Variants in ALX1 observed in about 807,000 individuals in gnomAD.
ALX1 encodes the protein ALX homeobox protein 1.
A neutral mutation model predicts 31.7 loss-of-function variants in ALX1; 19 were observed. The observed-to-expected ratio is 0.60, with a 90% confidence interval of 0.42 to 0.88. ALX1 has a LOEUF of 0.88. ALX1 is among the 40% of genes least tolerant of loss of function. The probability of loss-of-function intolerance (pLI) is 0.00; values close to 1 mark genes in which losing one functional copy is unlikely to be tolerated. For synonymous variants in ALX1, 153 were observed against 148.8 expected, an observed-to-expected ratio of 1.03 and a Z score of -0.20; for missense variants, 415 against 407.8, an observed-to-expected ratio of 1.02 and a Z score of -0.15.
At chr12:85,297,089 A>G (rs1033297284) in intron 3 of ALX1, among the ~76,000 whole-genome samples, 1 of 151,652 alleles carries the variant, frequency 6.6e-6, no homozygotes, top group Non-Finnish European at 1.5e-5. Context: ...CCTATATGAG[A>G]ATATATTGGT....
intron 3 of ALX1, among the ~76,000 whole-genome samples, chr12:85,300,513 C>A (rs1009237406): frequency 6.6e-6 from 1 of 151,974 alleles, no homozygotes; most frequent in Non-Finnish European, 1.5e-5. Flanking sequence ...GTTTCAAATT[C>A]ATTATATCAT....
intron 3 of ALX1, among the ~76,000 whole-genome samples, chr12:85,293,046 T>C (rs950467903): frequency 2.0e-5 from 3 of 150,778 alleles, no homozygotes; most frequent in Non-Finnish European, 3.0e-5. Context: ...AAAATTCTTG[T>C]ATGACTTATG....
At chr12:85,297,430 A>G (rs1593053355) in intron 3 of ALX1, among the ~76,000 whole-genome samples, 1 of 151,814 alleles carries the variant, frequency 6.6e-6, no homozygotes, top group Admixed American at 6.6e-5. Context: ...TTGTATCATC[A>G]TGCCCGATTA....
At chr12:85,291,988 A>T (rs1299732116) in intron 3 of ALX1, among the ~76,000 whole-genome samples, 1 of 151,200 alleles carries the variant, frequency 6.6e-6, no homozygotes, top group Non-Finnish European at 1.5e-5. Context: ...AAATGGGGGT[A>T]AAAGCTCATA....
chr12:85,293,533 C>G (rs977665947), intron 3 of ALX1, among the ~76,000 whole-genome samples: 1 of 150,836 alleles, frequency 6.6e-6, no homozygotes, highest in Non-Finnish European at 1.5e-5. Flanking sequence ...ACAAAGTGCA[C>G]TCCTGTCAAT....
At chr12:85,286,599 T>C (rs1318202364) in intron 2 of ALX1, among the ~76,000 whole-genome samples, 1 of 151,900 alleles carries the variant, frequency 6.6e-6, no homozygotes, top group Non-Finnish European at 1.5e-5. Flanking sequence ...AAACAGAGGC[T>C]CAGACGTATC....
rs979298831 is a variant in ALX1, at chr12:85,283,987, A to G, written c.531+111A>G. The G allele has an allele frequency of 1.1e-5, 14 of 1,234,886 alleles. No individual in the cohort carries two copies. In the Admixed American group the frequency reaches 2.6e-4, roughly 23 times the overall value. The allele number at this position is 1,234,886 out of a possible 1,614,324, so 76.5% of individuals were successfully genotyped here. A position where few individuals can be genotyped will look rare whatever the true frequency, so the allele number is the denominator to read the frequency against. On this transcript the variant is annotated intron_variant, in intron 2 of 3. Transcript: ENST00000316824. ...AAACAAACTGATTCCCTAGCTGAAG[A>G]TGAGAAACGGAGTAATATATATGAA... is the stretch of plus-strand genomic sequence containing the variant.
intron 3 of ALX1, among the ~76,000 whole-genome samples, chr12:85,289,773 T>TA (rs1896794045): frequency 6.6e-6 from 1 of 151,282 alleles, no homozygotes; most frequent in Non-Finnish European, 1.5e-5. Context: ...TATTTTAACT[T>TA]AAATATATAC....
Position 85,301,211 on chromosome 12 carries a change from C to A in ALX1, c.717C>A (p.Cys239Ter). Residue 239 changes from cysteine (C) to a stop codon, truncating the protein, a stop_gained, in exon 4 of 4, where the codon TGC becomes TGA. Coordinates refer to ENST00000316824, the MANE Select transcript of ALX1 (RefSeq NM_006982.3). LOFTEE classifies it high-confidence loss of function. ...NASGGSVVTS[C>*]MLPRDTSSCM... The stretch of plus-strand genomic sequence containing the variant: ...GTGGTGGTTCTGTGGTTACTTCATG[C>A]ATGTTACCACGTGACACTTCCTCCT... The A allele has an allele frequency of 6.2e-7, 1 of 1,613,976 alleles. No homozygotes were observed. Among genetic ancestry groups the A allele is most frequent in the Non-Finnish European group, 8.5e-7 (1 of 1,179,932 alleles).
At chr12:85,286,623 G>A (rs184264972) in intron 2 of ALX1, among the ~76,000 whole-genome samples, 61 of 151,888 alleles carry the variant, frequency 4.0e-4, no homozygotes, top group African/African-American at 1.3e-3. Flanking sequence ...TGTATTTCCC[G>A]AAAGTCTCCT....
intron 2 of ALX1, among the ~76,000 whole-genome samples, chr12:85,285,121 T>C (rs763197791): frequency 2.6e-5 from 4 of 152,148 alleles, no homozygotes; most frequent in Non-Finnish European, 5.9e-5. Context: ...TCTTTGTCTA[T>C]ATTTAAATTA....
intron 3 of ALX1, among the ~76,000 whole-genome samples, chr12:85,293,737 A>G (rs1235770911): frequency 6.6e-6 from 1 of 151,246 alleles, no homozygotes; most frequent in Non-Finnish European, 1.5e-5. Context: ...TAGCTTATAC[A>G]TATAAAAACC....
At chr12:85,287,757 A>C (rs1477009273) in intron 3 of ALX1, among the ~76,000 whole-genome samples, 1 of 151,362 alleles carries the variant, frequency 6.6e-6, no homozygotes, top group Non-Finnish European at 1.5e-5. Context: ...CTTAATAATG[A>C]TATTCAGAAC....
chr12:85,293,197 AT>A (rs1896841397), intron 3 of ALX1, among the ~76,000 whole-genome samples: 1 of 149,536 alleles, frequency 6.7e-6, no homozygotes, highest in Non-Finnish European at 1.5e-5. Context: ...CAGCGAGTAA[AT>A]ATACTGATTT....
Position 85,283,868 on chromosome 12 carries a change from A to G in ALX1, c.523A>G (p.Arg175Gly). The G allele has an allele frequency of 3.7e-6, 6 of 1,613,906 alleles. No homozygotes were observed. The highest frequency in any genetic ancestry group is 5.1e-6 in the Non-Finnish European group (6 of 1,179,948). ...TCTGAGGACAGAGCTCACTGAGGCC[A>G]GGGTCCAGGTAGGAGCCAAAAAGAG... The part of the protein sequence containing the change: ...LALRTELTEA[R>G]VQVWFQNRRA... The change falls in exon 2 of 4, where the codon AGG becomes GGG. Residue 175 changes from arginine (R) to glycine (G), a missense_variant. This residue lies in a region of ALX1 where 6 missense variants were observed against 21.5 expected (regional missense o/e 0.28). Transcript: ENST00000316824.
intron 3 of ALX1, among the ~76,000 whole-genome samples, chr12:85,290,745 C>T (rs1896807580): frequency 6.6e-6 from 1 of 150,950 alleles, no homozygotes; most frequent in South Asian, 2.1e-4. Context: ...TTTTTGAAAG[C>T]ATTCTCATTG....
chr12:85,297,016 A>C (rs139111085), intron 3 of ALX1, among the ~76,000 whole-genome samples: 3 of 151,746 alleles, frequency 2.0e-5, no homozygotes, highest in African/African-American at 7.3e-5. Flanking sequence ...AAAAAGTAAT[A>C]GGCACTTTTA....
At chr12:85,282,493 A>G (rs1896688707) in intron 1 of ALX1, among the ~76,000 whole-genome samples, 1 of 152,108 alleles carries the variant, frequency 6.6e-6, no homozygotes, top group Non-Finnish European at 1.5e-5. Context: ...ATAATGATGA[A>G]AAGAGTTGTA....
At position 85,283,822 on chromosome 12, in the gene ALX1, G is replaced by A. The variant is rs926845984; in HGVS notation, c.477G>A (p.Val159=). Residue 159 remains valine, a synonymous_variant, in exon 2 of 4, where the codon GTG becomes GTA. Coordinates refer to ENST00000316824, the MANE Select transcript of ALX1 (RefSeq NM_006982.3). ...KVFQKTHYPD[V]YVREQLALRT... Reference sequence around the variant, plus strand: ...TTCAGAAAACTCATTACCCGGATGTGTATGTCAGAGAACAGCTTGCTCTGA... The same window carrying A: ...TTCAGAAAACTCATTACCCGGATGTATATGTCAGAGAACAGCTTGCTCTGA... 13 of 1,614,036 alleles carry A rather than the reference G, an allele frequency of 8.1e-6. No individual in the cohort carries two copies. The highest frequency in any genetic ancestry group is 3.3e-4 in the Middle Eastern group (2 of 6,078).
Sources: allele counts gnomAD v4.1 joint callset (sites outside exome capture counted in the v4.1 genomes callset), GRCh38; gene constraint gnomAD v4.1.1; regional missense constraint gnomAD v4.1.1; transcripts MANE v1.5; gene names NCBI Gene and HGNC (gene_info 2026-07-23, HGNC 2026-07-21).